Variants in PIK3C2G observed in about 807,000 individuals in gnomAD.
PIK3C2G encodes the protein phosphatidylinositol-4-phosphate 3-kinase catalytic subunit type 2 gamma, also known as phosphatidylinositol 3-kinase C2 domain-containing subunit gamma.
In PIK3C2G, 168 loss-of-function variants were observed where a neutral mutation model predicts 181.1. That is an observed-to-expected ratio of 0.93 (90% CI 0.82 to 1.05). The LOEUF is 1.05. Ranked by LOEUF, PIK3C2G falls within the 50% of genes least tolerant of loss-of-function variation. The pLI is 0.00. For synonymous variants in PIK3C2G, 573 were observed against 592.2 expected, an observed-to-expected ratio of 0.97 and a Z score of 0.47; for missense variants, 1,869 against 1,732.8, an observed-to-expected ratio of 1.08 and a Z score of -1.40.
At chr12:18,280,247 A>C (rs1949153747) in intron 1 of PIK3C2G, among the ~76,000 whole-genome samples, 1 of 152,150 alleles carries the variant, frequency 6.6e-6, no homozygotes, top group East Asian at 1.9e-4. Flanking sequence ...ACTGAGTTTT[A>C]AGTAAGAAAA....
intron 19 of PIK3C2G, among the ~76,000 whole-genome samples, chr12:18,489,968 T>C (rs1295968714): frequency 2.0e-5 from 3 of 152,084 alleles, no homozygotes; most frequent in African/African-American, 4.8e-5. Context: ...TCTCTTCACA[T>C]AGGAAAATAG....
intron 5 of PIK3C2G, among the ~76,000 whole-genome samples, chr12:18,294,607 T>A (rs142594968): frequency 1.4e-4 from 21 of 152,116 alleles, no homozygotes; most frequent in African/African-American, 5.1e-4. Context: ...AAATACTTAT[T>A]TGATAAAAAA....
intron 1 of PIK3C2G, among the ~76,000 whole-genome samples, chr12:18,266,658 C>A (rs1288963335): frequency 6.6e-6 from 1 of 152,090 alleles, no homozygotes; most frequent in African/African-American, 2.4e-5. Flanking sequence ...CTCTCACATA[C>A]AAAAGACAAA....
Position 18,450,081 on chromosome 12 carries a change from G to A in PIK3C2G, c.2504+26042G>A, listed in dbSNP as rs932209724. On this transcript the variant is annotated intron_variant, in intron 18 of 32. Coordinates refer to ENST00000538779, the MANE Select transcript of PIK3C2G (RefSeq NM_001288772.2). ...TTTGGCCACATAAGTGTCTTCTGTTGAGAAGTGTCTGTTCATATCCTTTGC... is the reference window on the plus strand; with the variant it reads ...TTTGGCCACATAAGTGTCTTCTGTTAAGAAGTGTCTGTTCATATCCTTTGC... Among the ~76,000 whole-genome samples, 3 of 152,166 alleles carry A rather than the reference G, an allele frequency of 2.0e-5. No homozygotes were observed. In the East Asian group the frequency reaches 5.8e-4, roughly 29 times the overall value.
chr12:18,607,890 A>C (rs7969233), intron 30 of PIK3C2G, among the ~76,000 whole-genome samples: 10 of 151,962 alleles, frequency 6.6e-5, no homozygotes, highest in African/African-American at 2.2e-4. Context: ...GTGGGCGAAG[A>C]ATATAAATAA....
intron 17 of PIK3C2G, among the ~76,000 whole-genome samples, chr12:18,423,602 A>C (rs552405058): frequency 6.6e-6 from 1 of 152,310 alleles, no homozygotes; most frequent in East Asian, 1.9e-4. Context: ...ATCTCCAAAT[A>C]GGAAAAAATA....
At chr12:18,413,101 T>C (rs970167514) in intron 16 of PIK3C2G, among the ~76,000 whole-genome samples, 1 of 152,152 alleles carries the variant, frequency 6.6e-6, no homozygotes, top group Non-Finnish European at 1.5e-5. Context: ...CTTCATAGAG[T>C]ATTTTTTTCT....
intron 16 of PIK3C2G, among the ~76,000 whole-genome samples, chr12:18,402,663 T>C (rs1404742185): frequency 6.6e-6 from 1 of 152,178 alleles, no homozygotes; most frequent in Non-Finnish European, 1.5e-5. Flanking sequence ...TAGAAAAATC[T>C]TTAATAGAAT....
rs546106881 is a variant in PIK3C2G at position 18,380,918 on chromosome 12, G to A, written c.1881-848G>A. Among the ~76,000 whole-genome samples, 67 of 152,278 alleles carry A rather than the reference G, an allele frequency of 4.4e-4. No individual in the cohort carries two copies. The South Asian group carries it at 0.013, about 30-fold the overall frequency. On this transcript the variant is annotated intron_variant, in intron 13 of 32. Coordinates refer to ENST00000538779, the MANE Select transcript of PIK3C2G (RefSeq NM_001288772.2). ...AGAAAAGCTCACTGGATGCATTAAAGTTCTTTATAAACTTAAATTTAATTT... is the reference window on the plus strand; with the variant it reads ...AGAAAAGCTCACTGGATGCATTAAAATTCTTTATAAACTTAAATTTAATTT...
intron 5 of PIK3C2G, among the ~76,000 whole-genome samples, chr12:18,306,637 T>C (rs1950432592): frequency 6.6e-6 from 1 of 152,080 alleles, no homozygotes; most frequent in South Asian, 2.1e-4. Flanking sequence ...ATACCAAATG[T>C]GTGTACATGT....
chr12:18,290,714 A>G (rs1949655996), intron 3 of PIK3C2G, 141 bp from the exon 4 acceptor site: 2 of 633,808 alleles, frequency 3.2e-6, no homozygotes, highest in Non-Finnish European at 2.8e-6. Context: ...TCACAAATCA[A>G]TTACTGATTG....
chr12:18,292,269 A>G (rs1949747514), intron 4 of PIK3C2G, among the ~76,000 whole-genome samples: 1 of 136,922 alleles, frequency 7.3e-6, no homozygotes, highest in South Asian at 2.3e-4. Context: ...TTTATTATAG[A>G]ATTCAAGTAT....
chr12:18,491,162 G>A (rs546222126), intron 19 of PIK3C2G, among the ~76,000 whole-genome samples: 1 of 152,206 alleles, frequency 6.6e-6, no homozygotes, highest in East Asian at 1.9e-4. Flanking sequence ...ACCCTTTTAT[G>A]TTTTGTTTGA....
intron 29 of PIK3C2G, 132 bp downstream of exon 29, chr12:18,567,189 G>A (rs67650137): frequency 0.03 from 17,049 of 573,976 alleles, 330 homozygotes; most frequent in Middle Eastern, 0.053. Context: ...CTTAAAGCCA[G>A]GAGTTTAAGT....
At chr12:18,376,006 G>C (rs916679245) in intron 13 of PIK3C2G, among the ~76,000 whole-genome samples, 1 of 152,222 alleles carries the variant, frequency 6.6e-6, no homozygotes, top group South Asian at 2.1e-4. Context: ...TGGAAAGCCC[G>C]GGTGCCCAGC....
chr12:18,362,142 G>A (rs1206875054), intron 11 of PIK3C2G, among the ~76,000 whole-genome samples: 1 of 152,026 alleles, frequency 6.6e-6, no homozygotes, highest in Non-Finnish European at 1.5e-5. Flanking sequence ...CATAAATTGG[G>A]TTTTTTTAAA....
At position 18,496,069 on chromosome 12, in the gene PIK3C2G, C is replaced by A; in HGVS notation, c.2801C>A (p.Ser934Ter). The A allele has an allele frequency of 2.0e-6, 3 of 1,506,622 alleles. No individual in the cohort carries two copies. The highest frequency in any genetic ancestry group is 2.5e-5 in the South Asian group (2 of 78,850). The allele number at this position is 1,506,622 out of a possible 1,614,324, so 93.3% of individuals were successfully genotyped here. Residue 934 changes from serine to a stop codon, truncating the protein, a stop_gained, in exon 21 of 33, where the codon TCA (serine) becomes TAA (stop). Coordinates refer to ENST00000538779, the MANE Select transcript of PIK3C2G (RefSeq NM_001288772.2). LOFTEE classifies it high-confidence loss of function. ...CTTTTTCTTTTCCTATAGGCATGTT[C>A]ATATTTTACATCTAATGCTTTGCCA... ...CIKGIDHDAC[S>*]YFTSNALPLK... is the part of the protein sequence containing the mutation.
chr12:18,454,432 G>A (rs1054292986), intron 18 of PIK3C2G, among the ~76,000 whole-genome samples: 3 of 152,118 alleles, frequency 2.0e-5, no homozygotes, highest in African/African-American at 7.2e-5. Flanking sequence ...TGAGAAAACA[G>A]TGAGTTCAAA....
At chr12:18,411,005 T>C (rs992169499) in intron 16 of PIK3C2G, among the ~76,000 whole-genome samples, 2 of 152,188 alleles carry the variant, frequency 1.3e-5, no homozygotes, top group African/African-American at 4.8e-5. Flanking sequence ...CAAGTCCATA[T>C]ACTATCCATC....
Sources: gnomAD v4.1 joint callset for allele counts (sites outside exome capture counted in the v4.1 genomes callset) on GRCh38, gnomAD v4.1.1 for gene constraint, MANE v1.5 for transcripts, NCBI Gene and HGNC (gene_info 2026-07-23, HGNC 2026-07-21) for gene names.